RORB: variants seen among roughly 807,000 people sequenced by gnomAD.
The protein encoded by RORB is nuclear receptor ROR-beta.
A neutral mutation model predicts 59.1 loss-of-function variants in RORB; 6 were observed. That is an observed-to-expected ratio of 0.10 (90% CI 0.06 to 0.20). The LOEUF is 0.20. Among genes scored for constraint, RORB ranks in the 10% least tolerant of loss-of-function variants. The pLI, the probability that RORB is intolerant of heterozygous loss-of-function variation, is 1.00. For missense variants in RORB, 320 were observed against 560.5 expected (o/e 0.57, Z 4.33); for synonymous variants, 215 against 204.5 (o/e 1.05, Z -0.44).
chr9:74,634,101 T>G (rs1038948130), intron 2 of RORB, among the ~76,000 whole-genome samples: 1 of 150,188 alleles, frequency 6.7e-6, no homozygotes, highest in African/African-American at 2.4e-5. Flanking sequence ...AAGACACTTT[T>G]CAGCTGCATT....
At chr9:74,624,227 G>A (rs7031134) in intron 1 of RORB, among the ~76,000 whole-genome samples, 22,503 of 152,072 alleles carry the variant, frequency 0.15, 1,717 homozygotes, top group Admixed American at 0.2. Context: ...AAGTTATTTA[G>A]GAGCTATCAG....
At chr9:74,590,890 G>A (rs1012743817) in intron 1 of RORB, among the ~76,000 whole-genome samples, 3 of 152,154 alleles carry the variant, frequency 2.0e-5, no homozygotes, top group Non-Finnish European at 2.9e-5. Context: ...TCTGCCTCCG[G>A]ATTCAAGCAA....
At chr9:74,554,610 C>T (rs959608201) in intron 1 of RORB, among the ~76,000 whole-genome samples, 1 of 151,924 alleles carries the variant, frequency 6.6e-6, no homozygotes, top group Non-Finnish European at 1.5e-5. Context: ...CACTATCTAT[C>T]TTCACAAGCA....
At chr9:74,672,398 A>T (rs1221840881) in intron 9 of RORB, among the ~76,000 whole-genome samples, 1 of 152,198 alleles carries the variant, frequency 6.6e-6, no homozygotes, top group Admixed American at 6.6e-5. Context: ...GATACTACCT[A>T]GTCACTTCTC....
chr9:74,571,348 G>A (rs1348589089), intron 1 of RORB, among the ~76,000 whole-genome samples: 1 of 150,746 alleles, frequency 6.6e-6, no homozygotes, highest in Non-Finnish European at 1.5e-5. Context: ...ATAGTACACA[G>A]CAGAGAGTAC....
intron 1 of RORB, among the ~76,000 whole-genome samples, chr9:74,506,987 A>G (rs1381867788): frequency 6.6e-6 from 1 of 152,090 alleles, no homozygotes; most frequent in African/African-American, 2.4e-5. Context: ...AAAAAGATGA[A>G]GGCTTGGAAG....
At chr9:74,613,596 A>G (rs1823265940) in intron 1 of RORB, among the ~76,000 whole-genome samples, 1 of 152,190 alleles carries the variant, frequency 6.6e-6, no homozygotes, top group African/African-American at 2.4e-5. Flanking sequence ...AGTAAGAAGG[A>G]AATCCCTGGA....
intron 3 of RORB, among the ~76,000 whole-genome samples, chr9:74,640,430 A>ATT (rs1241972754): frequency 8.8e-6 from 1 of 114,072 alleles, no homozygotes; most frequent in East Asian, 3.2e-4. Flanking sequence ...TACTCGGCTA[A>ATT]TTCTGTGTGT....
intron 1 of RORB, among the ~76,000 whole-genome samples, chr9:74,597,719 G>A (rs1350331770): frequency 2.6e-5 from 4 of 152,210 alleles, no homozygotes; most frequent in Non-Finnish European, 5.9e-5. Context: ...AGCACTTTGG[G>A]AGACCGAGGC....
At chr9:74,641,676 G>A (rs1263611651) in intron 3 of RORB, among the ~76,000 whole-genome samples, 14 of 151,996 alleles carry the variant, frequency 9.2e-5, no homozygotes, top group Non-Finnish European at 2.9e-5. Context: ...CGAGACAGGA[G>A]GCTCACTTGA....
rs376598235 is a variant in RORB, at chr9:74,615,799, G to A, written c.8-14483G>A. On this transcript the variant is annotated intron_variant, in intron 1 of 9. Transcript: ENST00000376896. ...CTCAGGAATGTATATAATAAAACAA[G>A]TCACTCAGGCTTAATTTTACACTGG... Among the ~76,000 whole-genome samples, 38 of 152,112 alleles carry A rather than the reference G, an allele frequency of 2.5e-4. No individual in the cohort carries two copies. In the East Asian group the frequency reaches 6.2e-3, roughly 25 times the overall value.
chr9:74,576,219 C>T (rs1822632804), intron 1 of RORB, among the ~76,000 whole-genome samples: 1 of 152,114 alleles, frequency 6.6e-6, no homozygotes, highest in South Asian at 2.1e-4. Context: ...TAATATCTCA[C>T]AAGAGGCTAT....
At chr9:74,676,754 C>A (rs1306808392) in intron 9 of RORB, among the ~76,000 whole-genome samples, 3 of 152,240 alleles carry the variant, frequency 2.0e-5, no homozygotes, top group Non-Finnish European at 4.4e-5. Flanking sequence ...TATATCCCGT[C>A]CCCCGCGGGG....
chr9:74,505,901 T>C (rs1825863979), intron 1 of RORB, among the ~76,000 whole-genome samples: 1 of 151,920 alleles, frequency 6.6e-6, no homozygotes, highest in Admixed American at 6.6e-5. Flanking sequence ...TAAGGCAATT[T>C]TTAAAATTAC....
rs745317362 is a variant in RORB at position 74,671,813 on chromosome 9, G to C, written c.1136G>C (p.Arg379Thr). The change falls in exon 9 of 10, where the codon AGG becomes ACG. Residue 379 changes from arginine (R) to threonine (T), a missense_variant. This residue lies in a region of RORB where 109 missense variants were observed against 171.0 expected (regional missense o/e 0.64). Transcript: ENST00000376896. The part of the protein sequence containing the change: ...SPDRAWLIEP[R>T]KVQKLQEKIY... ...GACCGAGCCTGGCTTATAGAACCAAGGAAAGTCCAGAAGCTTCAGGAAAAA... is the reference window on the plus strand; with the variant it reads ...GACCGAGCCTGGCTTATAGAACCAACGAAAGTCCAGAAGCTTCAGGAAAAA... 3 of 1,612,276 alleles carry C rather than the reference G, an allele frequency of 1.9e-6. No homozygotes were observed. Among genetic ancestry groups the C allele is most frequent in the Non-Finnish European group, 2.5e-6 (3 of 1,178,844 alleles).
chr9:74,671,090 G>A (rs901738233), intron 8 of RORB, among the ~76,000 whole-genome samples: 37 of 151,838 alleles, frequency 2.4e-4, no homozygotes, highest in Admixed American at 7.2e-4. Context: ...GAAGGAGAGA[G>A]TGAAGGAGAG....
intron 4 of RORB, among the ~76,000 whole-genome samples, chr9:74,658,725 G>A (rs1824130849): frequency 6.6e-6 from 1 of 152,082 alleles, no homozygotes; most frequent in African/African-American, 2.4e-5. Flanking sequence ...TAATTAGACT[G>A]CCCCGGTGAA....
At chr9:74,681,365 C>A (rs1337152733) in intron 9 of RORB, among the ~76,000 whole-genome samples, 5 of 152,334 alleles carry the variant, frequency 3.3e-5, no homozygotes, top group South Asian at 2.1e-4. Flanking sequence ...CTCCACATGG[C>A]CTCCTGGCCC....
intron 1 of RORB, among the ~76,000 whole-genome samples, chr9:74,591,434 G>A (rs574676712): frequency 6.6e-6 from 1 of 152,110 alleles, no homozygotes; most frequent in South Asian, 2.1e-4. Context: ...CATTTTAGGA[G>A]AACACAAAAG....
Sources: gnomAD v4.1 joint callset for allele counts (sites outside exome capture counted in the v4.1 genomes callset) on GRCh38, gnomAD v4.1.1 for gene constraint, gnomAD v4.1.1 regional missense constraint, MANE v1.5 for transcripts, NCBI Gene and HGNC (gene_info 2026-07-23, HGNC 2026-07-21) for gene names.